The following ARNT2 variants were observed in gnomAD, a reference collection of about 807,000 sequenced individuals.
ARNT2 encodes ARNT protein 2.
Under a neutral mutation model 91.7 loss-of-function variants are expected in ARNT2, and 36 were observed. That is an observed-to-expected ratio of 0.39 (90% CI 0.30 to 0.52). ARNT2 has a LOEUF of 0.52. Among genes scored for constraint, ARNT2 ranks in the 20% least tolerant of loss-of-function variants. ARNT2 has a pLI of 0.72. For missense variants in ARNT2, 775 were observed against 939.3 expected (o/e 0.83, Z 2.29); for synonymous variants, 365 against 347.1 (o/e 1.05, Z -0.57).
At chr15:80,524,431 G>A (rs1305331694) in intron 8 of ARNT2, among the ~76,000 whole-genome samples, 1 of 152,178 alleles carries the variant, frequency 6.6e-6, no homozygotes, top group African/African-American at 2.4e-5. Context: ...TCAGAGATGT[G>A]TGCATGTGTG....
chr15:80,415,236 CT>C (rs1895760993), intron 1 of ARNT2, among the ~76,000 whole-genome samples: 1 of 152,248 alleles, frequency 6.6e-6, no homozygotes, highest in South Asian at 2.1e-4. Flanking sequence ...GCTATGTCCC[CT>C]GTGGCAGCAA....
intron 8 of ARNT2, among the ~76,000 whole-genome samples, chr15:80,544,978 G>A (rs1215035277): frequency 6.6e-6 from 1 of 152,160 alleles, no homozygotes; most frequent in East Asian, 1.9e-4. Context: ...TGGGGCTATA[G>A]TGACCACCCC....
chr15:80,433,544 C>A (rs1260394532), intron 1 of ARNT2, among the ~76,000 whole-genome samples: 1 of 152,128 alleles, frequency 6.6e-6, no homozygotes, highest in East Asian at 1.9e-4. Context: ...CCACCTCCCC[C>A]CGCCTCGGCC....
chr15:80,451,781 C>G lies in ARNT2; in HGVS notation c.146+787C>G, dbSNP rs182686789. Reference sequence around the variant, plus strand: ...ACTACCCCCCAACCATCCAACCAACCAAAATCCTGCAGGAAAAACATGATG... The same window carrying G: ...ACTACCCCCCAACCATCCAACCAACGAAAATCCTGCAGGAAAAACATGATG... On this transcript the variant is annotated intron_variant, in intron 2 of 18. Coordinates refer to ENST00000303329, the MANE Select transcript of ARNT2 (RefSeq NM_014862.4). Among the ~76,000 whole-genome samples, 290 of 152,304 alleles carry G rather than the reference C, an allele frequency of 1.9e-3. 2 individuals are homozygous for G. Among genetic ancestry groups the G allele is most frequent in the Non-Finnish European group, 4.0e-4 (27 of 68,038 alleles).
intron 4 of ARNT2, among the ~76,000 whole-genome samples, 158 bp from the exon 5 acceptor site, chr15:80,474,852 A>G (rs1308306610): frequency 6.6e-6 from 1 of 152,168 alleles, no homozygotes; most frequent in Non-Finnish European, 1.5e-5. Flanking sequence ...GCATTTTTCT[A>G]GCTTATTTTC....
At position 80,593,581 on chromosome 15, in the gene ARNT2, C is replaced by T. The variant is rs758846721; in HGVS notation, c.2056-19C>T. ...GAGGAGCTGACTCCCCTGTGGCTCT[C>T]TTTTCCTCTCCTCTGCAGGACATGC... On this transcript the variant is annotated intron_variant, in intron 18 of 18. Coordinates refer to ENST00000303329, the MANE Select transcript of ARNT2 (RefSeq NM_014862.4). The T allele has an allele frequency of 2.6e-6, 4 of 1,565,598 alleles. No individual in the cohort carries two copies. The South Asian group carries it at 4.7e-5, about 18-fold the overall frequency.
intron 6 of ARNT2, among the ~76,000 whole-genome samples, chr15:80,510,978 A>C (rs968911939): frequency 6.6e-6 from 1 of 152,194 alleles, no homozygotes; most frequent in African/African-American, 2.4e-5. Context: ...TGATTCCTCA[A>C]AGACCTAAAA....
rs979199023 is a variant in ARNT2 at position 80,554,923 on chromosome 15, T to C, written c.1090-142T>C. ...GACGGCTCCCAGGGAAATTTTGCAC[T>C]CACTTTTTCAAAAAATCTGGGGTGG... On this transcript the variant is annotated intron_variant, in intron 10 of 18. Transcript: ENST00000303329. 7 of 798,282 alleles carry C rather than the reference T, an allele frequency of 8.8e-6. No homozygotes were observed. In the African/African-American group the frequency reaches 1.0e-4, roughly 12 times the overall value. The allele number at this position is 798,282 out of a possible 1,614,324, so 49.4% of individuals were successfully genotyped here.
At position 80,580,489 on chromosome 15, in the gene ARNT2, C is replaced by T. The variant is rs1281942903; in HGVS notation, c.1692C>T (p.Ser564=). Residue 564 remains serine (S), a synonymous_variant, in exon 16 of 19, where the codon TCC becomes TCT. Transcript: ENST00000303329. ...CGGGCCAGAACATGTCCCAAATCTCCCGGCAGCTAAACCAGAGTCAGGTGG... is the reference window on the plus strand; with the variant it reads ...CGGGCCAGAACATGTCCCAAATCTCTCGGCAGCTAAACCAGAGTCAGGTGG... ...SSTGQNMSQI[S]RQLNQSQVAW... The T allele has an allele frequency of 1.9e-6, 3 of 1,614,180 alleles. No individual in the cohort carries two copies. The highest frequency in any genetic ancestry group is 2.5e-6 in the Non-Finnish European group (3 of 1,180,040).
chr15:80,496,871 T>C (rs1453143913), intron 5 of ARNT2, among the ~76,000 whole-genome samples: 4 of 151,520 alleles, frequency 2.6e-5, no homozygotes. Flanking sequence ...CTGTAAGGAG[T>C]TGTAACTGGG....
chr15:80,504,582 A>G (rs181527830), intron 5 of ARNT2, among the ~76,000 whole-genome samples: 1 of 152,246 alleles, frequency 6.6e-6, no homozygotes, highest in East Asian at 1.9e-4. Flanking sequence ...TGACTGGGCA[A>G]CATAGTGAGT....
At chr15:80,456,434 TAGC>T (rs1896482893) in intron 2 of ARNT2, among the ~76,000 whole-genome samples, 1 of 152,158 alleles carries the variant, frequency 6.6e-6, no homozygotes, top group Non-Finnish European at 1.5e-5. Flanking sequence ...GATTCCAAAT[TAGC>T]AGGGGATCCC....
At chr15:80,531,917 C>T (rs1897746826) in intron 8 of ARNT2, among the ~76,000 whole-genome samples, 1 of 152,150 alleles carries the variant, frequency 6.6e-6, no homozygotes, top group South Asian at 2.1e-4. Context: ...TTGACCACAG[C>T]CCACACCCCG....
intron 11 of ARNT2, 33 bp from the exon 12 acceptor site, chr15:80,563,055 C>G (rs373157030): frequency 1.2e-6 from 2 of 1,613,576 alleles, no homozygotes; most frequent in Non-Finnish European, 1.7e-6. Flanking sequence ...CATCCTTCCT[C>G]CTGCTGACTT....
chr15:80,405,062 G>A (rs1276522762), intron 1 of ARNT2, among the ~76,000 whole-genome samples: 1 of 152,198 alleles, frequency 6.6e-6, no homozygotes, highest in Non-Finnish European at 1.5e-5. Context: ...ACTGGCTGCT[G>A]TGTGTCCTAA....
At position 80,404,662 on chromosome 15, in the gene ARNT2, G is replaced by C. The variant is rs1895571360; in HGVS notation, c.31+116G>C. 4.6e-6 allele frequency: 3 copies of C among 657,058 alleles called. No homozygotes were observed. The highest frequency in any genetic ancestry group is 5.7e-6 in the Non-Finnish European group (3 of 526,752). 40.7% of individuals were successfully genotyped at this position (657,058 alleles called of 1,614,324 possible). A position where few individuals can be genotyped will look rare whatever the true frequency, so the allele number is the denominator to read the frequency against. On this transcript the variant is annotated intron_variant, in intron 1 of 18. Transcript: ENST00000303329. This position sits in a 1 kb window ranked among gnomAD's most constrained non-coding sequence, Gnocchi z 5.5. ...GCGCGGAGCCGCAGCTCGGCGCGGT[G>C]GGTGGTGGAGCGGCTGTCACTACGC...
intron 12 of ARNT2, among the ~76,000 whole-genome samples, chr15:80,570,239 C>G (rs1898561337): frequency 6.6e-6 from 1 of 152,178 alleles, no homozygotes; most frequent in Admixed American, 6.5e-5. Context: ...CCATGTCGCC[C>G]TGGATGCATC....
intron 4 of ARNT2, 22 bp from the exon 5 acceptor site, chr15:80,474,988 A>G (rs1172658440): frequency 6.2e-7 from 1 of 1,612,506 alleles, no homozygotes; most frequent in Non-Finnish European, 8.5e-7. Flanking sequence ...GTATTGTGCC[A>G]ATCATAATCT....
At chr15:80,415,387 A>G (rs773258630) in intron 1 of ARNT2, among the ~76,000 whole-genome samples, 2 of 152,252 alleles carry the variant, frequency 1.3e-5, no homozygotes, top group Admixed American at 6.5e-5. Context: ...TTCCGCTTTC[A>G]CAGAGCTTTC....
Sources: allele counts gnomAD v4.1 joint callset (sites outside exome capture counted in the v4.1 genomes callset), GRCh38; gene constraint gnomAD v4.1.1; non-coding constraint Gnocchi (gnomAD v3.1); transcripts MANE v1.5; gene names NCBI Gene and HGNC (gene_info 2026-07-23, HGNC 2026-07-21).